The following TRIOBP variants were observed in gnomAD, a reference collection of about 807,000 sequenced individuals.
TRIOBP encodes TRIO and F-actin binding protein.
Under a neutral mutation model 238.8 loss-of-function variants are expected in TRIOBP, and 169 were observed. The observed-to-expected ratio is 0.71, with a 90% CI of 0.62 to 0.80. TRIOBP has a LOEUF of 0.80. Among genes scored for constraint, TRIOBP ranks in the 30% least tolerant of loss-of-function variants. TRIOBP has a pLI of 0.00. For missense variants in TRIOBP, 2,838 were observed against 3,122.6 expected (o/e 0.91, Z 2.17); for synonymous variants, 1,150 against 1,274.4 (o/e 0.90, Z 2.08).
At chr22:37,762,102 T>C (rs534278794) in intron 17 of TRIOBP, among the ~76,000 whole-genome samples, 1 of 152,262 alleles carries the variant, frequency 6.6e-6, no homozygotes, top group East Asian at 1.9e-4. Flanking sequence ...ATGAGGTCTT[T>C]TACTGTCACC....
intron 4 of TRIOBP, among the ~76,000 whole-genome samples, chr22:37,711,023 C>T (rs1923209951): frequency 6.6e-6 from 1 of 152,232 alleles, no homozygotes; most frequent in South Asian, 2.1e-4. Flanking sequence ...TGCACTGCTC[C>T]AGGCTCTGGG....
At chr22:37,769,490 G>C (rs923313449) in intron 21 of TRIOBP, 115 bp downstream of exon 21, 11 of 1,040,680 alleles carry the variant, frequency 1.1e-5, no homozygotes, top group Non-Finnish European at 1.6e-5. Flanking sequence ...TCTCCCAGTG[G>C]CTGGGCCAGC....
intron 3 of TRIOBP, among the ~76,000 whole-genome samples, chr22:37,708,539 G>A (rs1367463367): frequency 1.3e-5 from 2 of 152,182 alleles, no homozygotes; most frequent in Non-Finnish European, 2.9e-5. Flanking sequence ...CTATAAGAGC[G>A]AGACTCTGTC....
intron 7 of TRIOBP, among the ~76,000 whole-genome samples, chr22:37,730,776 G>A (rs776391676): frequency 1.6e-4 from 25 of 151,980 alleles, no homozygotes; most frequent in Non-Finnish European, 2.8e-4. Context: ...GTGAAACCCC[G>A]TCTCTACTAA....
chr22:37,719,826 C>T (rs757447936), intron 6 of TRIOBP, among the ~76,000 whole-genome samples: 4 of 151,916 alleles, frequency 2.6e-5, no homozygotes, highest in Non-Finnish European at 4.4e-5. Flanking sequence ...TCTCCCTGCA[C>T]ACTTAGCTGC....
At chr22:37,748,936 G>A (rs1925425419) in intron 11 of TRIOBP, among the ~76,000 whole-genome samples, 1 of 152,196 alleles carries the variant, frequency 6.6e-6, no homozygotes, top group Non-Finnish European at 1.5e-5. Flanking sequence ...GAGTCCTGGT[G>A]TGTTGTGATC....
At chr22:37,752,238 G>C (rs544409826) in intron 12 of TRIOBP, among the ~76,000 whole-genome samples, 6 of 152,310 alleles carry the variant, frequency 3.9e-5, no homozygotes, top group African/African-American at 1.4e-4. Flanking sequence ...GATCCCCACT[G>C]GTTGAGTCAA....
In TRIOBP at chr22:37,740,985, C is replaced by T. The variant is rs1314100144; in HGVS notation, c.5275C>T (p.Leu1759=). The change falls in exon 11 of 24, where the codon CTG becomes TTG. Residue 1759 remains leucine, a synonymous_variant. Transcript: ENST00000644935. ...GCGGATGCCCGGGGACCGGCCCACG[C>T]TGTTCAATCCGTTCCTGCTGTCTCT... is the stretch of plus-strand genomic sequence containing the variant. ...SWRMPGDRPT[L]FNPFLLSLGV... is the part of the protein sequence containing the mutation. 5 of 1,560,302 alleles carry T rather than the reference C, an allele frequency of 3.2e-6. No individual in the cohort carries two copies. The highest frequency in any genetic ancestry group is 3.5e-6 in the Non-Finnish European group (4 of 1,151,732).
Position 37,757,939 on chromosome 22 carries a change from G to C in TRIOBP, c.6014G>C (p.Gly2005Ala), listed in dbSNP as rs1336535852. ...ACCCCAGAGGTGCCTGCTGGTGAGG[G>C]GCCGCGCCGGGGCCTGGGTGCCCCC... ...SRTPEVPAGE[G>A]PRRGLGAPLT... Residue 2005 changes from glycine to alanine, a missense_variant, in exon 16 of 24, where the codon GGG becomes GCG. Coordinates refer to ENST00000644935, the MANE Select transcript of TRIOBP (RefSeq NM_001039141.3). 1 of 1,556,956 alleles carries C rather than the reference G, an allele frequency of 6.4e-7. No homozygotes were observed.
intron 17 of TRIOBP, among the ~76,000 whole-genome samples, chr22:37,762,568 G>A (rs1199768511): frequency 6.6e-6 from 1 of 152,188 alleles, no homozygotes; most frequent in Non-Finnish European, 1.5e-5. Context: ...TGCCCCATTG[G>A]GTGCACCAAA....
rs368637327 is a variant in TRIOBP at position 37,750,108 on chromosome 22, G to T, written c.5323-1664G>T. On this transcript the variant is annotated intron_variant, in intron 11 of 23. Transcript: ENST00000644935. ...TTCAGTCCTGTCGGAAGCTGCGGGA[G>T]GGGAGGACCGCCCCGTCATTTGCCA... 3.4e-4 allele frequency among the ~76,000 whole-genome samples: 52 copies of T among 152,330 alleles called. 3 individuals carry two copies. The East Asian group carries it at 7.1e-3, about 21-fold the overall frequency.
intron 3 of TRIOBP, among the ~76,000 whole-genome samples, chr22:37,706,021 G>A (rs1204837663): frequency 1.3e-5 from 2 of 152,136 alleles, no homozygotes; most frequent in Admixed American, 6.6e-5. Flanking sequence ...CGTACTCATC[G>A]GTGCCAGAGA....
At chr22:37,707,481 A>G (rs1310177107) in intron 3 of TRIOBP, among the ~76,000 whole-genome samples, 4 of 151,134 alleles carry the variant, frequency 2.6e-5, no homozygotes, top group African/African-American at 9.7e-5. Flanking sequence ...TCCCTGGCTG[A>G]CTCTGTCTGC....
Position 37,735,249 on chromosome 22 carries a change from C to G in TRIOBP, c.4913C>G (p.Pro1638Arg). Residue 1638 changes from proline (P) to arginine (R), a missense_variant, in exon 9 of 24, where the codon CCA becomes CGA. Pro to Arg is a moderately radical substitution (Grantham distance 103, BLOSUM62 -2). Transcript: ENST00000644935. ...SQPEGWAEATPVNGHSPALQS... is the reference protein window; with the variant it reads ...SQPEGWAEATRVNGHSPALQS... ...CCAGAAGGCTGGGCCGAGGCCACCC[C>G]AGTCAATGGACACAGCCCCGCACTG... is the stretch of plus-strand genomic sequence containing the variant. 1 of 1,603,988 alleles carries G rather than the reference C, an allele frequency of 6.2e-7. No homozygotes were observed. The highest frequency in any genetic ancestry group is 1.7e-4 in the Middle Eastern group (1 of 6,044).
rs1924175224 is a variant in TRIOBP at position 37,726,516 on chromosome 22, G to A, written c.3947+13G>A. The A allele has an allele frequency of 2.7e-6, 4 of 1,472,702 alleles. No individual in the cohort carries two copies. Among genetic ancestry groups the A allele is most frequent in the Middle Eastern group, 2.4e-4 (1 of 4,152 alleles). 91.2% of individuals were successfully genotyped at this position (1,472,702 alleles called of 1,614,324 possible). ...GGCAAGAGCGCAGGTGAGCCCGGGG[G>A]TGGGGTCAGCCAGGTGGGCTGGGGA... On this transcript the variant is annotated intron_variant, in intron 7 of 23. Coordinates refer to ENST00000644935, the MANE Select transcript of TRIOBP (RefSeq NM_001039141.3).
At chr22:37,765,522 TGGGAGC>T (rs1926441139) in intron 17 of TRIOBP, 142 bp from the exon 18 acceptor site, 4 of 951,504 alleles carry the variant, frequency 4.2e-6, no homozygotes, top group Non-Finnish European at 6.2e-6. Flanking sequence ...GGGGTGGGGG[TGGGAGC>T]AGGAGCAGGT....
intron 11 of TRIOBP, among the ~76,000 whole-genome samples, chr22:37,742,596 G>A (rs1601644988): frequency 6.6e-6 from 1 of 152,266 alleles, no homozygotes; most frequent in East Asian, 1.9e-4. Flanking sequence ...TGTGGTTAAG[G>A]CACCGAGGGT....
chr22:37,740,823 G>A, intron 10 of TRIOBP, 72 bp from the exon 11 acceptor site: 1 of 1,548,542 alleles, frequency 6.5e-7, no homozygotes, highest in Non-Finnish European at 8.7e-7. Flanking sequence ...GAATGGGCAG[G>A]GGAGGCTGTA....
At chr22:37,755,045 A>T (rs1925841685) in intron 13 of TRIOBP, 56 bp from the exon 14 acceptor site, 2 of 1,610,980 alleles carry the variant, frequency 1.2e-6, no homozygotes, top group Non-Finnish European at 1.7e-6. Context: ...GGCTGGGTTC[A>T]CTGGGGTGGG....
Sources: allele counts gnomAD v4.1 joint callset (sites outside exome capture counted in the v4.1 genomes callset), GRCh38; gene constraint gnomAD v4.1.1; transcripts MANE v1.5; gene names NCBI Gene and HGNC (gene_info 2026-07-23, HGNC 2026-07-21).